Variants in TRHDE observed in about 807,000 individuals in gnomAD.
TRHDE encodes thyrotropin-releasing hormone-degrading ectoenzyme.
A neutral mutation model predicts 125.7 loss-of-function variants in TRHDE; 72 were observed. The observed-to-expected ratio is 0.57, with a 90% CI of 0.47 to 0.70. The LOEUF (loss-of-function observed/expected upper bound fraction) is 0.70, where lower values mean the gene tolerates loss of function less well. Among genes scored for constraint, TRHDE ranks in the 30% least tolerant of loss-of-function variants. The pLI is 0.00. For missense variants in TRHDE, 1,110 were observed against 1,327.1 expected (o/e 0.84, Z 2.54); for synonymous variants, 509 against 509.1 (o/e 1.00, Z 0.00).
chr12:72,168,241 A>G (rs1483433655), intron 2 of TRHDE, among the ~76,000 whole-genome samples: 1 of 152,210 alleles, frequency 6.6e-6, no homozygotes, highest in Non-Finnish European at 1.5e-5. Flanking sequence ...ATTTTCTAGA[A>G]TGAAAGGTTG....
intron 2 of TRHDE, among the ~76,000 whole-genome samples, chr12:72,164,341 G>A (rs1312611412): frequency 6.6e-6 from 1 of 152,178 alleles, no homozygotes; most frequent in African/African-American, 2.4e-5. Flanking sequence ...TCGATAGGCG[G>A]AAGGGTAAGG....
chr12:72,357,741 G>A (rs754863943), intron 2 of TRHDE, among the ~76,000 whole-genome samples: 42 of 151,466 alleles, frequency 2.8e-4, no homozygotes, highest in Non-Finnish European at 5.2e-4. Flanking sequence ...GGGGAAAAAT[G>A]GGTAACTGTG....
intron 2 of TRHDE, among the ~76,000 whole-genome samples, chr12:72,117,855 G>C (rs562543289): frequency 7.3e-6 from 1 of 136,132 alleles, no homozygotes; most frequent in East Asian, 2.1e-4. Flanking sequence ...CTATTTCTTG[G>C]TTTTTTTTTT....
In TRHDE at chr12:72,464,422, C is replaced by G. The variant is rs530338401; in HGVS notation, c.1316-5336C>G. Among the ~76,000 whole-genome samples the G allele has an allele frequency of 1.1e-4, 17 of 152,206 alleles. 1 individual carries two copies. Among genetic ancestry groups the G allele is most frequent in the Middle Eastern group, 3.4e-3 (1 of 294 alleles). On this transcript the variant is annotated intron_variant, in intron 3 of 18. Coordinates refer to ENST00000261180, the MANE Select transcript of TRHDE (RefSeq NM_013381.3). ...GGTCTGCTCTCTGCTTTCAAGATGA[C>G]TCTTTGTTGCTGCATTCTCCGGAGG...
chr12:72,610,611 A>C (rs1290626876), intron 12 of TRHDE: 2 of 152,152 alleles, frequency 1.3e-5, no homozygotes, highest in African/African-American at 4.8e-5. Context: ...GTGTGTGTGC[A>C]CCTGGGTCTG....
intron 15 of TRHDE, among the ~76,000 whole-genome samples, chr12:72,640,353 C>G (rs1873999711): frequency 6.6e-6 from 1 of 152,246 alleles, no homozygotes; most frequent in African/African-American, 2.4e-5. Flanking sequence ...ATGCCTCGCC[C>G]TGCTTTGGCT....
At chr12:72,646,314 G>C (rs1874277931) in intron 15 of TRHDE, among the ~76,000 whole-genome samples, 3 of 151,842 alleles carry the variant, frequency 2.0e-5, no homozygotes, top group Admixed American at 2.0e-4. Context: ...ATACATCAAG[G>C]TAAGCACACT....
At chr12:72,176,023 T>C (rs559678021) in intron 2 of TRHDE, among the ~76,000 whole-genome samples, 1 of 152,316 alleles carries the variant, frequency 6.6e-6, no homozygotes, top group African/African-American at 2.4e-5. Context: ...AACAAGGCCA[T>C]GGACCACCTT....
chr12:72,123,536 G>A (rs933875105), intron 2 of TRHDE, among the ~76,000 whole-genome samples: 15 of 151,918 alleles, frequency 9.9e-5, no homozygotes, highest in Non-Finnish European at 1.5e-4. Flanking sequence ...TAAACATGAT[G>A]TGTATATACT....
intron 7 of TRHDE, among the ~76,000 whole-genome samples, chr12:72,555,132 CATTG>C (rs772844588): frequency 3.3e-5 from 5 of 152,170 alleles, no homozygotes; most frequent in Non-Finnish European, 7.4e-5. Context: ...ACAAAATTTA[CATTG>C]ATTGGGTGGA....
intron 3 of TRHDE, among the ~76,000 whole-genome samples, chr12:72,468,028 C>T (rs2135894934): frequency 6.6e-6 from 1 of 152,298 alleles, no homozygotes; most frequent in East Asian, 1.9e-4. Flanking sequence ...AAAAACATCA[C>T]TATTTAATTC....
At chr12:72,222,739 C>G (rs1878026844) in intron 2 of TRHDE, among the ~76,000 whole-genome samples, 1 of 152,100 alleles carries the variant, frequency 6.6e-6, no homozygotes, top group Non-Finnish European at 1.5e-5. Flanking sequence ...TTGTTCCAGA[C>G]CCCTATCTGC....
intron 6 of TRHDE, among the ~76,000 whole-genome samples, chr12:72,531,907 A>G (rs144293952): frequency 2.0e-5 from 3 of 152,228 alleles, no homozygotes; most frequent in African/African-American, 4.8e-5. Flanking sequence ...ATGATTCACC[A>G]TCTTTTTCTA....
At chr12:72,511,285 T>A (rs1190955934) in intron 6 of TRHDE, among the ~76,000 whole-genome samples, 2 of 152,174 alleles carry the variant, frequency 1.3e-5, no homozygotes, top group Non-Finnish European at 2.9e-5. Flanking sequence ...AATTTTGTAT[T>A]TGCATATTTA....
chr12:72,370,952 A>G (rs1265546166), intron 2 of TRHDE, among the ~76,000 whole-genome samples: 1 of 152,078 alleles, frequency 6.6e-6, no homozygotes, highest in Non-Finnish European at 1.5e-5. Context: ...CATGTTGGCC[A>G]TGCGGGTCTC....
At chr12:72,621,396 C>T in intron 14 of TRHDE, 191 bp downstream of exon 14, 2 of 582,654 alleles carry the variant, frequency 3.4e-6, no homozygotes, top group South Asian at 4.4e-5. Flanking sequence ...AAGACGTTTC[C>T]TTGCTGTGTT....
intron 7 of TRHDE, among the ~76,000 whole-genome samples, chr12:72,552,103 C>A (rs1869703870): frequency 6.6e-6 from 1 of 152,132 alleles, no homozygotes; most frequent in Non-Finnish European, 1.5e-5. Flanking sequence ...TAAGAAGATT[C>A]CATATTATTC....
At chr12:72,651,911 A>G (rs531972324) in intron 15 of TRHDE, among the ~76,000 whole-genome samples, 2 of 152,084 alleles carry the variant, frequency 1.3e-5, no homozygotes, top group African/African-American at 4.8e-5. Flanking sequence ...TTTCCGTTCT[A>G]TCCAAATTAA....
At chr12:72,396,299 C>T (rs1181309472) in intron 3 of TRHDE, among the ~76,000 whole-genome samples, 2 of 152,132 alleles carry the variant, frequency 1.3e-5, no homozygotes, top group Admixed American at 6.5e-5. Context: ...TCTACAGTGT[C>T]CATTCTTTAC....
Sources: gnomAD v4.1 joint callset for allele counts (sites outside exome capture counted in the v4.1 genomes callset) on GRCh38, gnomAD v4.1.1 for gene constraint, MANE v1.5 for transcripts, NCBI Gene and HGNC (gene_info 2026-07-23, HGNC 2026-07-21) for gene names.